The following QTMAN variants were observed in gnomAD, a reference collection of about 807,000 sequenced individuals.
The protein encoded by QTMAN is tRNA-queuosine alpha-mannosyltransferase.
the QTMAN span, among the ~76,000 whole-genome samples, chr2:144,041,010 A>C: frequency 6.6e-6 from 1 of 152,266 alleles, no homozygotes; most frequent in Non-Finnish European, 1.5e-5. Context: ...AGTTTGTCAA[A>C]TAGTTCATTC....
At chr2:144,021,846 T>C in the QTMAN span, among the ~76,000 whole-genome samples, 2 of 152,130 alleles carry the variant, frequency 1.3e-5, no homozygotes, top group Non-Finnish European at 2.9e-5. Flanking sequence ...TATACTCATA[T>C]TGGAAAAATA....
chr2:144,154,577 G>A, the QTMAN span, among the ~76,000 whole-genome samples: 3 of 152,060 alleles, frequency 2.0e-5, no homozygotes, highest in Non-Finnish European at 2.9e-5. Context: ...CAGATAATAG[G>A]GTAATGAGAG....
the QTMAN span, among the ~76,000 whole-genome samples, chr2:144,216,376 C>A: frequency 6.6e-6 from 1 of 152,172 alleles, no homozygotes; most frequent in Non-Finnish European, 1.5e-5. Context: ...GTCTCAGGAC[C>A]TGACACACAG....
the QTMAN span, among the ~76,000 whole-genome samples, chr2:144,059,045 A>C: frequency 6.6e-6 from 1 of 152,214 alleles, no homozygotes; most frequent in African/African-American, 2.4e-5. Context: ...GCTGGCTCCC[A>C]GTATCCTACA....
At chr2:144,150,932 T>C in the QTMAN span, among the ~76,000 whole-genome samples, 1 of 151,960 alleles carries the variant, frequency 6.6e-6, no homozygotes. Context: ...AGACATAAAA[T>C]GGAAAACAAA....
chr2:144,245,479 A>T, the QTMAN span, among the ~76,000 whole-genome samples: 766 of 152,342 alleles, frequency 5.0e-3, 3 homozygotes, highest in South Asian at 9.1e-3. Flanking sequence ...CTACTTAAGA[A>T]AGACTCTGGT....
chr2:143,977,088 C>G, the QTMAN span, among the ~76,000 whole-genome samples: 120 of 152,318 alleles, frequency 7.9e-4, 1 homozygote, highest in Admixed American at 1.1e-3. Flanking sequence ...CGCTCTCATT[C>G]TCTCCATCTT....
At chr2:144,069,694 C>T in the QTMAN span, among the ~76,000 whole-genome samples, 4 of 151,746 alleles carry the variant, frequency 2.6e-5, no homozygotes, top group Non-Finnish European at 5.9e-5. Context: ...GGGTACAGTA[C>T]CTTTATGCTC....
At chr2:144,138,127 C>G in the QTMAN span, among the ~76,000 whole-genome samples, 24 of 151,996 alleles carry the variant, frequency 1.6e-4, no homozygotes, top group African/African-American at 5.3e-4. Flanking sequence ...AGCAAAGGAG[C>G]CTGAGAAGCA....
At chr2:144,234,765 C>T in the QTMAN span, among the ~76,000 whole-genome samples, 5 of 152,170 alleles carry the variant, frequency 3.3e-5, no homozygotes, top group Non-Finnish European at 5.9e-5. Context: ...GCAAAAGGAT[C>T]CCCTGCCCAG....
chr2:144,021,678 G>A, the QTMAN span, among the ~76,000 whole-genome samples: 1 of 152,110 alleles, frequency 6.6e-6, no homozygotes, highest in African/African-American at 2.4e-5. Flanking sequence ...CAGAAACTAA[G>A]CAAATAAACC....
the QTMAN span, among the ~76,000 whole-genome samples, chr2:144,098,653 T>G: frequency 6.6e-6 from 1 of 150,724 alleles, no homozygotes; most frequent in Non-Finnish European, 1.5e-5. Flanking sequence ...AGGCGGACGT[T>G]GCAGTGAGCC....
chr2:144,307,177 AAAAAAAC>A, the QTMAN span, among the ~76,000 whole-genome samples: 23 of 150,330 alleles, frequency 1.5e-4, no homozygotes, highest in East Asian at 9.7e-4. Flanking sequence ...AAAAAAAAAA[AAAAAAAC>A]AATTAAAAAA....
At chr2:144,045,847 A>G in the QTMAN span, among the ~76,000 whole-genome samples, 3 of 152,240 alleles carry the variant, frequency 2.0e-5, no homozygotes, top group East Asian at 5.8e-4. Flanking sequence ...CACTACTCCA[A>G]AAGTAAGGCA....
chr2:144,243,128 C>A, the QTMAN span, among the ~76,000 whole-genome samples: 7 of 152,228 alleles, frequency 4.6e-5, no homozygotes, highest in Admixed American at 3.3e-4. Context: ...TAAATATTCA[C>A]ATCACTCATT....
the QTMAN span, chr2:144,317,560 A>G: frequency 6.6e-6 from 1 of 152,212 alleles, no homozygotes; most frequent in Non-Finnish European, 1.5e-5. Context: ...TATAAATATC[A>G]CGACTAAATG....
At chr2:144,017,302 C>T in the QTMAN span, among the ~76,000 whole-genome samples, 1 of 151,500 alleles carries the variant, frequency 6.6e-6, no homozygotes, top group African/African-American at 2.4e-5. Context: ...TGTGCCTGGC[C>T]CAAATGTTAC....
chr2:144,066,852 CT>C, the QTMAN span, among the ~76,000 whole-genome samples: 1 of 152,198 alleles, frequency 6.6e-6, no homozygotes, highest in Admixed American at 6.5e-5. Flanking sequence ...CTAAAAAGTA[CT>C]TTAAACTCAG....
chr2:144,106,944 T>A, the QTMAN span, among the ~76,000 whole-genome samples: 1 of 152,194 alleles, frequency 6.6e-6, no homozygotes. Context: ...AAATCAGGAT[T>A]AAGAAACTCA....
Sources: gnomAD v4.1 joint callset for allele counts (sites outside exome capture counted in the v4.1 genomes callset) on GRCh38, gnomAD v4.1.1 for gene constraint, MANE v1.5 for transcripts, NCBI Gene and HGNC (gene_info 2026-07-23, HGNC 2026-07-21) for gene names.